EPB41L4A: variants seen among roughly 807,000 people sequenced by gnomAD.
EPB41L4A encodes erythrocyte membrane protein band 4.1 like 4A.
EPB41L4A carries 100 observed loss-of-function variants against 108.6 expected under a neutral mutation model. That is an observed-to-expected ratio of 0.92 (90% CI 0.78 to 1.09). The LOEUF (loss-of-function observed/expected upper bound fraction) is 1.09, where lower values mean the gene tolerates loss of function less well. Ranked by LOEUF, EPB41L4A falls within the 50% of genes least tolerant of loss-of-function variation. The pLI, the probability that EPB41L4A is intolerant of heterozygous loss-of-function variation, is 0.00. For synonymous variants in EPB41L4A, 319 were observed against 289.0 expected, an observed-to-expected ratio of 1.10 and a Z score of -1.05; for missense variants, 1,030 against 842.7, an observed-to-expected ratio of 1.22 and a Z score of -2.75.
At chr5:112,387,794 T>G (rs1038175290) in intron 1 of EPB41L4A, among the ~76,000 whole-genome samples, 4 of 152,198 alleles carry the variant, frequency 2.6e-5, no homozygotes, top group Non-Finnish European at 5.9e-5. Context: ...AAAACAGGTT[T>G]GTTAATTGTC....
At chr5:112,296,068 T>C (rs1486792217) in intron 2 of EPB41L4A, among the ~76,000 whole-genome samples, 8 of 152,206 alleles carry the variant, frequency 5.3e-5, no homozygotes, top group Non-Finnish European at 1.2e-4. Context: ...GGCTTAATAA[T>C]GACTGGCTTT....
At chr5:112,346,824 T>C (rs56018262) in intron 1 of EPB41L4A, among the ~76,000 whole-genome samples, 6,712 of 152,298 alleles carry the variant, frequency 0.044, 390 homozygotes, top group African/African-American at 0.13. Flanking sequence ...CAATACAAGT[T>C]TTAGCCACAG....
chr5:112,178,000 C>G (rs1024086020), intron 18 of EPB41L4A, among the ~76,000 whole-genome samples: 1 of 150,774 alleles, frequency 6.6e-6, no homozygotes, highest in African/African-American at 2.4e-5. Context: ...TGCTAGCAGG[C>G]TAAACACTGA....
At chr5:112,298,189 T>C (rs1754131491) in intron 2 of EPB41L4A, among the ~76,000 whole-genome samples, 1 of 152,182 alleles carries the variant, frequency 6.6e-6, no homozygotes, top group Non-Finnish European at 1.5e-5. Flanking sequence ...TTGATGGAAA[T>C]TGTAATGAAT....
chr5:112,194,327 AAC>A (rs143519632), intron 17 of EPB41L4A, among the ~76,000 whole-genome samples: 4 of 150,922 alleles, frequency 2.7e-5, no homozygotes, highest in South Asian at 2.1e-4. Flanking sequence ...CATCTTTTAA[AAC>A]ACACACACAC....
intron 17 of EPB41L4A, among the ~76,000 whole-genome samples, chr5:112,186,071 G>A (rs1761412621): frequency 1.3e-5 from 2 of 152,168 alleles, no homozygotes; most frequent in African/African-American, 4.8e-5. Context: ...GCTGGGCCCA[G>A]GATTGGACAC....
At chr5:112,183,084 A>G (rs1761238792) in intron 18 of EPB41L4A, among the ~76,000 whole-genome samples, 2 of 152,134 alleles carry the variant, frequency 1.3e-5, no homozygotes, top group Admixed American at 6.5e-5. Flanking sequence ...AGTGTCCCAC[A>G]GTAAAAAGAG....
intron 4 of EPB41L4A, among the ~76,000 whole-genome samples, chr5:112,267,060 C>G (rs1445286221): frequency 6.6e-6 from 1 of 152,260 alleles, no homozygotes; most frequent in East Asian, 1.9e-4. Context: ...CAATCTGACC[C>G]TGGAACTCTA....
rs76160638 is a variant in EPB41L4A, at chr5:112,346,593, T to C, written c.100-39103A>G. On this transcript the variant is annotated intron_variant, in intron 1 of 22. Coordinates refer to ENST00000261486, the MANE Select transcript of EPB41L4A (RefSeq NM_022140.5). ...AAAATGCCTAGAGGTTACAAAAAAC[T>C]GACAGAAGTCAAACTTTGAGTATAG... Among the ~76,000 whole-genome samples the C allele has an allele frequency of 2.0e-4, 30 of 152,272 alleles. No individual in the cohort carries two copies. The East Asian group carries it at 4.5e-3, about 23-fold the overall frequency.
intron 18 of EPB41L4A, among the ~76,000 whole-genome samples, chr5:112,174,434 G>A (rs567014954): frequency 2.0e-4 from 31 of 152,246 alleles, no homozygotes; most frequent in African/African-American, 7.5e-4. Context: ...CCATAGGTAC[G>A]ACATATATAG....
chr5:112,401,942 T>C (rs1295420123), intron 1 of EPB41L4A, among the ~76,000 whole-genome samples: 1 of 152,152 alleles, frequency 6.6e-6, no homozygotes, highest in Non-Finnish European at 1.5e-5. Flanking sequence ...CAGGGGGAAA[T>C]GGTGCATTTT....
intron 1 of EPB41L4A, among the ~76,000 whole-genome samples, chr5:112,362,831 G>A (rs942473988): frequency 5.3e-5 from 8 of 151,990 alleles, no homozygotes; most frequent in South Asian, 2.1e-4. Flanking sequence ...CAAGTCTGAC[G>A]ATTCATCTCA....
chr5:112,199,267 C>T lies in EPB41L4A; in HGVS notation c.1377-3559G>A, dbSNP rs891181531. Among the ~76,000 whole-genome samples the T allele has an allele frequency of 5.3e-5, 8 of 152,188 alleles. 1 individual carries two copies. The South Asian group carries it at 6.2e-4, about 12-fold the overall frequency. On this transcript the variant is annotated intron_variant, in intron 15 of 22. Transcript: ENST00000261486. The stretch of plus-strand genomic sequence containing the variant: ...CATAGTCTTTTCTCTTGTCCCTGTC[C>T]ATCTCTTACAAAGGGATTCTCTAAT...
At chr5:112,194,514 C>CA in intron 17 of EPB41L4A, 54 bp downstream of exon 17, 1 of 1,084,764 alleles carries the variant, frequency 9.2e-7, no homozygotes, top group Non-Finnish European at 1.4e-6. Context: ...TTTCTACCAC[C>CA]AAGGGCAGCC....
intron 17 of EPB41L4A, among the ~76,000 whole-genome samples, chr5:112,187,223 T>C: frequency 6.6e-6 from 1 of 152,218 alleles, no homozygotes; most frequent in East Asian, 1.9e-4. Flanking sequence ...CATCTAAAGG[T>C]GAACCTCAAT....
intron 12 of EPB41L4A, 46 bp from the exon 13 acceptor site, chr5:112,210,028 A>AAGT: frequency 8.6e-7 from 1 of 1,158,322 alleles, no homozygotes; most frequent in South Asian, 1.3e-5. Context: ...GGAAACAGTG[A>AAGT]TAAGGAAATG....
At chr5:112,309,065 A>T (rs1754880620) in intron 1 of EPB41L4A, among the ~76,000 whole-genome samples, 1 of 152,166 alleles carries the variant, frequency 6.6e-6, no homozygotes, top group Non-Finnish European at 1.5e-5. Flanking sequence ...ATACTTGTAG[A>T]ATTTTACTTA....
At chr5:112,195,781 G>A in intron 15 of EPB41L4A, 73 bp from the exon 16 acceptor site, 7 of 1,327,890 alleles carry the variant, frequency 5.3e-6, no homozygotes, top group Non-Finnish European at 7.5e-6. Context: ...ACCAAAATGA[G>A]TTTCACTTCA....
chr5:112,418,849 G>T, intron 1 of EPB41L4A, 92 bp downstream of exon 1: 1 of 976,352 alleles, frequency 1.0e-6, no homozygotes, highest in Non-Finnish European at 1.6e-6. Flanking sequence ...CGCGGCCGCC[G>T]CCCTCGACCC....
Sources: gnomAD v4.1 joint callset for allele counts (sites outside exome capture counted in the v4.1 genomes callset) on GRCh38, gnomAD v4.1.1 for gene constraint, MANE v1.5 for transcripts, NCBI Gene and HGNC (gene_info 2026-07-23, HGNC 2026-07-21) for gene names.